MELK: variants seen among roughly 807,000 people sequenced by gnomAD.
MELK encodes the protein maternal embryonic leucine zipper kinase.
MELK carries 81 observed loss-of-function variants against 85.0 expected under a neutral mutation model. The observed-to-expected ratio is 0.95, with a 90% CI of 0.80 to 1.15. The LOEUF is 1.15. MELK is among the 50% of genes most tolerant of loss of function. MELK has a pLI of 0.00. For synonymous variants in MELK, 252 were observed against 265.0 expected (o/e 0.95, Z 0.48); for missense variants, 754 against 777.5 (o/e 0.97, Z 0.36).
chr9:36,648,769 A>G (rs1168079382), intron 11 of MELK, among the ~76,000 whole-genome samples: 1 of 152,248 alleles, frequency 6.6e-6, no homozygotes, highest in Non-Finnish European at 1.5e-5. Context: ...CGTTCATCTT[A>G]GAGAGGAGCC....
At chr9:36,639,630 G>A (rs1338011784) in intron 10 of MELK, among the ~76,000 whole-genome samples, 5 of 152,220 alleles carry the variant, frequency 3.3e-5, no homozygotes, top group African/African-American at 9.6e-5. Context: ...AGGATTCAGA[G>A]CGCTTTAAGT....
rs182601181 is a variant in MELK, at chr9:36,607,812, G to T, written c.666+139G>T. The T allele has an allele frequency of 2.2e-5, 15 of 673,396 alleles. No individual in the cohort carries two copies. In the African/African-American group the frequency reaches 2.7e-4, roughly 12 times the overall value. 41.7% of individuals were successfully genotyped at this position (673,396 alleles called of 1,614,324 possible). A position where few individuals can be genotyped will look rare whatever the true frequency, so the allele number is the denominator to read the frequency against. ...AGTCAAAATCTTAGTTATTCTTTGGGAGTGGTTAAGGAGTGGGCTTCTGTT... is the reference window on the plus strand; with the variant it reads ...AGTCAAAATCTTAGTTATTCTTTGGTAGTGGTTAAGGAGTGGGCTTCTGTT... On this transcript the variant is annotated intron_variant, in intron 8 of 17. Coordinates refer to ENST00000298048, the MANE Select transcript of MELK (RefSeq NM_014791.4).
At chr9:36,622,589 A>G (rs1827549240) in intron 8 of MELK, among the ~76,000 whole-genome samples, 1 of 152,226 alleles carries the variant, frequency 6.6e-6, no homozygotes, top group Admixed American at 6.5e-5. Flanking sequence ...TTCAAAGACA[A>G]GCACGAGTGT....
chr9:36,653,753 G>T lies in MELK; in HGVS notation c.1053+1876G>T, dbSNP rs559135952. ...AATTGACTGTGTGGATGAAAGTTTG[G>T]TTTTTTTCCCCTTTATAGGCCTCAA... is the stretch of plus-strand genomic sequence containing the variant. On this transcript the variant is annotated intron_variant, in intron 12 of 17. Coordinates refer to ENST00000298048, the MANE Select transcript of MELK (RefSeq NM_014791.4). Among the ~76,000 whole-genome samples the T allele has an allele frequency of 1.6e-4, 24 of 151,596 alleles. No homozygotes were observed. In the East Asian group the frequency reaches 2.1e-3, roughly 13 times the overall value.
At chr9:36,674,712 T>C in intron 16 of MELK, 122 bp from the exon 17 acceptor site, 1 of 495,332 alleles carries the variant, frequency 2.0e-6, no homozygotes, top group Non-Finnish European at 3.5e-6. Flanking sequence ...TTGATATTTT[T>C]TAGGAAATAG....
chr9:36,589,465 C>G, intron 3 of MELK, 71 bp from the exon 4 acceptor site: 1 of 1,243,226 alleles, frequency 8.0e-7, no homozygotes, highest in Non-Finnish European at 1.2e-6. Flanking sequence ...AGTATTAAAG[C>G]TGTTAGTATT....
At chr9:36,592,096 C>T (rs1823656621) in intron 4 of MELK, among the ~76,000 whole-genome samples, 1 of 151,986 alleles carries the variant, frequency 6.6e-6, no homozygotes, top group Admixed American at 6.6e-5. Context: ...AAGCGATCTT[C>T]CCTCCTTGGC....
chr9:36,573,503 A>G (rs1239404195), intron 1 of MELK, among the ~76,000 whole-genome samples: 1 of 151,800 alleles, frequency 6.6e-6, no homozygotes, highest in Non-Finnish European at 1.5e-5. Context: ...CTAAAAGGGG[A>G]ATTTTTTTTC....
intron 8 of MELK, among the ~76,000 whole-genome samples, chr9:36,620,156 T>C (rs1220506784): frequency 6.6e-6 from 1 of 152,192 alleles, no homozygotes; most frequent in Non-Finnish European, 1.5e-5. Context: ...CAGCCCATTC[T>C]TATAACCACA....
intron 8 of MELK, among the ~76,000 whole-genome samples, chr9:36,618,709 C>T (rs191501598): frequency 1.3e-5 from 2 of 152,182 alleles, no homozygotes; most frequent in East Asian, 3.9e-4. Context: ...GAGGATTTAG[C>T]TTCATTAAAC....
chr9:36,604,888 C>T (rs1435036118), intron 7 of MELK, among the ~76,000 whole-genome samples: 2 of 152,128 alleles, frequency 1.3e-5, no homozygotes, highest in Non-Finnish European at 2.9e-5. Context: ...GGTGATCTGC[C>T]CGCCTTGGCT....
intron 16 of MELK, among the ~76,000 whole-genome samples, chr9:36,674,344 A>G (rs1430544679): frequency 6.6e-6 from 1 of 152,240 alleles, no homozygotes; most frequent in Admixed American, 6.5e-5. Context: ...TTATTTCCTC[A>G]TAGAACTGTC....
chr9:36,621,864 T>C (rs1827484141), intron 8 of MELK, among the ~76,000 whole-genome samples: 1 of 152,220 alleles, frequency 6.6e-6, no homozygotes, highest in Non-Finnish European at 1.5e-5. Context: ...ACTTCAGTGT[T>C]TTCTACTTTT....
chr9:36,652,335 C>T (rs1830790277), intron 12 of MELK, among the ~76,000 whole-genome samples: 1 of 151,482 alleles, frequency 6.6e-6, no homozygotes. Flanking sequence ...GCATGAGCCA[C>T]CGTGCCCGGC....
At chr9:36,636,840 G>A (rs1829265337) in intron 10 of MELK, among the ~76,000 whole-genome samples, 1 of 124,820 alleles carries the variant, frequency 8.0e-6, no homozygotes, top group African/African-American at 3.2e-5. Flanking sequence ...TGTCTTTCTT[G>A]TCTTTCTTGT....
At chr9:36,597,311 C>T (rs750198022) in intron 6 of MELK, 21 bp downstream of exon 6, 25 of 1,585,372 alleles carry the variant, frequency 1.6e-5, no homozygotes, top group Non-Finnish European at 2.2e-5. Context: ...AAATAAGATG[C>T]ATCTATGTTC....
chr9:36,579,402 T>A (rs1458117582), intron 1 of MELK, among the ~76,000 whole-genome samples: 1 of 152,242 alleles, frequency 6.6e-6, no homozygotes, highest in Non-Finnish European at 1.5e-5. Context: ...GACCTCGTGA[T>A]CCGCCCACCC....
intron 10 of MELK, among the ~76,000 whole-genome samples, chr9:36,640,904 T>C (rs1161006675): frequency 6.6e-6 from 1 of 152,260 alleles, no homozygotes; most frequent in African/African-American, 2.4e-5. Context: ...CTTTACTGTT[T>C]CTTTTCATGA....
chr9:36,665,304 A>T, intron 13 of MELK, 46 bp from the exon 14 acceptor site: 1 of 1,181,958 alleles, frequency 8.5e-7, no homozygotes, highest in Non-Finnish European at 1.2e-6. Context: ...AAAGAAATTG[A>T]CTTTTCTTCT....
Sources: gnomAD v4.1 joint callset for allele counts (sites outside exome capture counted in the v4.1 genomes callset) on GRCh38, gnomAD v4.1.1 for gene constraint, MANE v1.5 for transcripts, NCBI Gene and HGNC (gene_info 2026-07-23, HGNC 2026-07-21) for gene names.